PEX1: variants seen among roughly 807,000 people sequenced by gnomAD.
PEX1 encodes peroxisomal biogenesis factor 1.
In PEX1, 97 loss-of-function variants were observed where a neutral mutation model predicts 152.5. That is an observed-to-expected ratio of 0.64 (90% CI 0.54 to 0.75). The LOEUF (loss-of-function observed/expected upper bound fraction) is 0.75. Ranked by LOEUF, PEX1 falls within the 30% of genes least tolerant of loss-of-function variation. The probability of loss-of-function intolerance (pLI) is 0.00; values close to 1 mark genes in which losing one functional copy is unlikely to be tolerated. For missense variants in PEX1, 1,357 were observed against 1,516.3 expected, an observed-to-expected ratio of 0.89 and a Z score of 1.74; for synonymous variants, 485 against 531.6, an observed-to-expected ratio of 0.91 and a Z score of 1.21.
At chr7:92,516,739 C>T (rs111285935) in intron 5 of PEX1, among the ~76,000 whole-genome samples, 1 of 152,274 alleles carries the variant, frequency 6.6e-6, no homozygotes, top group African/African-American at 2.4e-5. Flanking sequence ...ACTTCCTCTC[C>T]GTTATACACA....
intron 2 of PEX1, 28 bp from the exon 3 acceptor site, chr7:92,519,106 CT>C: frequency 7.4e-7 from 1 of 1,356,148 alleles, no homozygotes; most frequent in Non-Finnish European, 1.1e-6. Context: ...TTTAAAACTA[CT>C]TTAAAAAAAC....
At chr7:92,490,598 G>C (rs1479585472) in intron 21 of PEX1, among the ~76,000 whole-genome samples, 1 of 133,198 alleles carries the variant, frequency 7.5e-6, no homozygotes, top group East Asian at 2.3e-4. Context: ...TTGTGCCACT[G>C]CACTCTAGTC....
At chr7:92,518,959 C>G (rs758852815) in intron 3 of PEX1, 36 bp downstream of exon 3, 1 of 1,391,100 alleles carries the variant, frequency 7.2e-7, no homozygotes, top group Admixed American at 1.7e-5. Context: ...AGTAATTTAA[C>G]CTTAAATGAG....
Position 92,501,571 on chromosome 7 carries a change from T to G in PEX1, c.2519A>C (p.Asp840Ala). 6.2e-7 allele frequency: 1 copy of G among 1,613,638 alleles called. No individual in the cohort carries two copies. Among genetic ancestry groups the G allele is most frequent in the African/African-American group, 1.3e-5 (1 of 75,024 alleles). Reference sequence around the variant, plus strand: ...AACTTCATGTAACCCACCAATCTTGTCCCAACCCAGGTCTCTAGGTTTATG... The same window carrying G: ...AACTTCATGTAACCCACCAATCTTGGCCCAACCCAGGTCTCTAGGTTTATG... ...NLHKPRDLGW[D>A]KIGGLHEVRQ... Residue 840 changes from aspartate (D) to alanine (A), a missense_variant, in exon 15 of 24, where the codon GAC becomes GCC. By Grantham distance (126) the Asp-to-Ala change is moderately radical. Transcript: ENST00000248633.
rs1562868002 is a variant in PEX1 at position 92,519,056 on chromosome 7, T to C, written c.296A>G (p.His99Arg). 2 of 1,607,736 alleles carry C rather than the reference T, an allele frequency of 1.2e-6. No individual in the cohort carries two copies. The highest frequency in any genetic ancestry group is 1.7e-6 in the Non-Finnish European group (2 of 1,174,454). The part of the protein sequence containing the change: ...GGQVFLKPCS[H>R]VVSCQQVEVE... ...CTCAACTTGTTGACAAGATACCACA[T>C]GGGAACATGGCTTGAGAAATACCTA... Residue 99 changes from histidine to arginine, a missense_variant, in exon 3 of 24, where the codon CAT (histidine) becomes CGT (arginine). Transcript: ENST00000248633.
Position 92,491,736 on chromosome 7 carries a change from T to C in PEX1, c.3208-234A>G, listed in dbSNP as rs960648727. ...TTACCAACCATCCCCCAAGAAAGTC[T>C]GTAATGAAGCTAAGACTCAGACCTC... On this transcript the variant is annotated intron_variant, in intron 20 of 23. Transcript: ENST00000248633. 14 of 479,038 alleles carry C rather than the reference T, an allele frequency of 2.9e-5. No homozygotes were observed. The South Asian group carries it at 3.1e-4, about 10-fold the overall frequency. The allele number at this position is 479,038 out of a possible 1,614,324, so 29.7% of individuals were successfully genotyped here. A position where few individuals can be genotyped will look rare whatever the true frequency, so the allele number is the denominator to read the frequency against.
chr7:92,515,112 T>C lies in PEX1; in HGVS notation c.1240-1145A>G, dbSNP rs1010410392. 1.4e-4 allele frequency among the ~76,000 whole-genome samples: 18 copies of C among 127,908 alleles called. 1 individual carries two copies. Among genetic ancestry groups the C allele is most frequent in the African/African-American group, 4.9e-4 (16 of 32,570 alleles). The allele number at this position is 127,908 out of a possible 152,430, so 83.9% of individuals were successfully genotyped here. A position where few individuals can be genotyped will look rare whatever the true frequency, so the allele number is the denominator to read the frequency against. Reference sequence around the variant, plus strand: ...ATATATATATATATATATATATATATATATATATATCAATAATGATGTTAA... The same window carrying C: ...ATATATATATATATATATATATATACATATATATATCAATAATGATGTTAA... On this transcript the variant is annotated intron_variant, in intron 5 of 23. Coordinates refer to ENST00000248633, the MANE Select transcript of PEX1 (RefSeq NM_000466.3).
intron 22 of PEX1, 124 bp downstream of exon 22, chr7:92,489,590 T>C (rs1278960296): frequency 1.9e-5 from 20 of 1,028,134 alleles, no homozygotes; most frequent in Non-Finnish European, 1.5e-6. Context: ...CATGACTGAG[T>C]TAATGTGTTC....
chr7:92,501,028 CAG>C (rs1791897144), intron 15 of PEX1, among the ~76,000 whole-genome samples: 1 of 152,200 alleles, frequency 6.6e-6, no homozygotes, highest in African/African-American at 2.4e-5. Context: ...TTAAAGCAAA[CAG>C]AATTATACAT....
At chr7:92,493,926 C>A in intron 19 of PEX1, 1 of 266,286 alleles carries the variant, frequency 3.8e-6, no homozygotes. Context: ...TCTATGAAAC[C>A]TGCTTACATG....
intron 1 of PEX1, among the ~76,000 whole-genome samples, chr7:92,525,929 A>C (rs1044132059): frequency 6.6e-6 from 1 of 152,204 alleles, no homozygotes; most frequent in Non-Finnish European, 1.5e-5. Flanking sequence ...AAAGACATGG[A>C]ATTTGTATGG....
chr7:92,496,910 T>A (rs760849509), intron 16 of PEX1, 133 bp from the exon 17 acceptor site: 33 of 680,640 alleles, frequency 4.8e-5, no homozygotes, highest in Non-Finnish European at 7.4e-5. Context: ...TTTTTAAAAT[T>A]AATGTGTGCT....
intron 17 of PEX1, 99 bp downstream of exon 17, chr7:92,496,614 T>A (rs556995352): frequency 2.1e-5 from 17 of 811,502 alleles, no homozygotes; most frequent in African/African-American, 2.0e-4. Flanking sequence ...AAACCACAGG[T>A]TTCAAATATC....
chr7:92,494,861 TAAAG>T lies in PEX1; in HGVS notation c.2784-236_2784-233del, dbSNP rs1392410904. Among the ~76,000 whole-genome samples the T allele has an allele frequency of 3.3e-5, 5 of 151,754 alleles. No homozygotes were observed. In the South Asian group the frequency reaches 1.0e-3, roughly 31 times the overall value. ...TATTTTAATCTTTACAACAAACCCT[TAAAG>T]AAGGCAAGGCATATGAAATTACCCT... is the stretch of plus-strand genomic sequence containing the variant. On this transcript the variant is annotated intron_variant, in intron 17 of 23. Transcript: ENST00000248633.
chr7:92,489,576 T>C (rs1585210542), intron 22 of PEX1, 138 bp downstream of exon 22: 1 of 1,015,298 alleles, frequency 9.8e-7, no homozygotes. Context: ...AGGAAGCACA[T>C]AACCATGACT....
At chr7:92,497,651 GAT>G (rs1318974544) in intron 16 of PEX1, among the ~76,000 whole-genome samples, 1 of 152,014 alleles carries the variant, frequency 6.6e-6, no homozygotes, top group Non-Finnish European at 1.5e-5. Flanking sequence ...TACTGATCAG[GAT>G]ATGTGACCAA....
In PEX1 at chr7:92,528,344, A is replaced by T; in HGVS notation, c.92T>A (p.Leu31Gln). 1 of 1,574,596 alleles carries T rather than the reference A, an allele frequency of 6.4e-7. No homozygotes were observed. The highest frequency in any genetic ancestry group is 1.3e-5 in the African/African-American group (1 of 74,314). The change falls in exon 1 of 24, where the codon CTG (leucine) becomes CAG (glutamine). Residue 31 changes from leucine (L) to glutamine (Q), a missense_variant. Transcript: ENST00000248633. ...FTNARDCFLH[L>Q]PRRLVAQLHL... ...CAGCTGGGCCACGAGACGCCGCGGC[A>T]GGTGGAGGAAGCAGTCGCGAGCGTT...
chr7:92,493,139 GA>G lies in PEX1; in HGVS notation c.3031-11del. 1.3e-6 allele frequency: 2 copies of G among 1,487,498 alleles called. No homozygotes were observed. The highest frequency in any genetic ancestry group is 9.3e-7 in the Non-Finnish European group (1 of 1,078,190). 92.1% of individuals were successfully genotyped at this position (1,487,498 alleles called of 1,614,324 possible). The stretch of plus-strand genomic sequence containing the variant: ...TTTCAAGACGTGACACCTGAAAGGA[GA>G]AAAATTTATTTAACAAATAAAAAAT... On this transcript the variant is annotated splice_polypyrimidine_tract_variant and intron_variant, in intron 19 of 23. Transcript: ENST00000248633.
intron 1 of PEX1, among the ~76,000 whole-genome samples, chr7:92,522,971 A>G (rs963635610): frequency 2.0e-5 from 3 of 152,244 alleles, no homozygotes; most frequent in African/African-American, 7.2e-5. Flanking sequence ...AATAATTGTA[A>G]GGGCTCATAT....
Sources: gnomAD v4.1 joint callset for allele counts (sites outside exome capture counted in the v4.1 genomes callset) on GRCh38, gnomAD v4.1.1 for gene constraint, MANE v1.5 for transcripts, NCBI Gene and HGNC (gene_info 2026-07-23, HGNC 2026-07-21) for gene names.